The following SORL1 variants were observed in gnomAD, a reference collection of about 807,000 sequenced individuals.
SORL1 encodes the protein sortilin-related receptor.
In SORL1, 127 loss-of-function variants were observed where a neutral mutation model predicts 273.7. The observed-to-expected ratio is 0.46, with a 90% CI of 0.40 to 0.54. SORL1 has a LOEUF of 0.54. Ranked by LOEUF, SORL1 falls within the 20% of genes least tolerant of loss-of-function variation. The probability of loss-of-function intolerance (pLI) is 0.00; values close to 1 mark genes in which losing one functional copy is unlikely to be tolerated. For synonymous variants in SORL1, 1,031 were observed against 1,067.4 expected, an observed-to-expected ratio of 0.97 and a Z score of 0.66; for missense variants, 2,494 against 2,846.1, an observed-to-expected ratio of 0.88 and a Z score of 2.81.
chr11:121,454,517 G>C (rs372631961), intron 1 of SORL1, among the ~76,000 whole-genome samples: 1 of 152,130 alleles, frequency 6.6e-6, no homozygotes, highest in African/African-American at 2.4e-5. Context: ...GATTGAGTTT[G>C]GTTCAGCTGA....
chr11:121,624,294 A>G (rs1017153417), intron 45 of SORL1, among the ~76,000 whole-genome samples: 1 of 152,164 alleles, frequency 6.6e-6, no homozygotes, highest in East Asian at 1.9e-4. Context: ...GAGAAAAGTG[A>G]TGGAGTCTTT....
chr11:121,455,957 C>T (rs1366819698), intron 1 of SORL1, among the ~76,000 whole-genome samples: 2 of 150,488 alleles, frequency 1.3e-5, no homozygotes, highest in Admixed American at 1.3e-4. Context: ...CGCGCCATTG[C>T]ACTCCAGCCT....
chr11:121,570,574 A>G (rs531144016), intron 23 of SORL1, among the ~76,000 whole-genome samples: 1 of 152,186 alleles, frequency 6.6e-6, no homozygotes, highest in East Asian at 1.9e-4. Context: ...CTGGGCTCTA[A>G]TCTTGGCTGT....
At chr11:121,619,609 A>T in intron 42 of SORL1, 144 bp from the exon 43 acceptor site, 1 of 690,314 alleles carries the variant, frequency 1.4e-6, no homozygotes. Flanking sequence ...GATTTGGGGT[A>T]GGTGGGAAAT....
chr11:121,479,989 A>G (rs1186096319), intron 3 of SORL1, among the ~76,000 whole-genome samples: 2 of 152,192 alleles, frequency 1.3e-5, no homozygotes, highest in Non-Finnish European at 2.9e-5. Context: ...TGTGGTCCCC[A>G]GGACTCCCAG....
chr11:121,556,035 G>A (rs142966179), intron 18 of SORL1, among the ~76,000 whole-genome samples: 1 of 152,226 alleles, frequency 6.6e-6, no homozygotes, highest in African/African-American at 2.4e-5. Context: ...TCGAGAGATA[G>A]ACCCAGATGT....
intron 3 of SORL1, among the ~76,000 whole-genome samples, chr11:121,482,007 G>C (rs1246576496): frequency 6.6e-6 from 1 of 152,182 alleles, no homozygotes; most frequent in East Asian, 1.9e-4. Flanking sequence ...TTCTTCCCCA[G>C]CTTCTTCCAT....
At chr11:121,467,030 CTTTT>C (rs58596501) in intron 1 of SORL1, among the ~76,000 whole-genome samples, 2 of 125,300 alleles carry the variant, frequency 1.6e-5, no homozygotes, top group Admixed American at 8.8e-5. Context: ...TTCTTTTTTT[CTTTT>C]TTTTTTTTTT....
intron 11 of SORL1, among the ~76,000 whole-genome samples, chr11:121,530,966 A>G (rs1862194788): frequency 6.6e-6 from 1 of 152,184 alleles, no homozygotes; most frequent in South Asian, 2.1e-4. Flanking sequence ...TATTTCGGAC[A>G]TTATATTTTT....
intron 45 of SORL1, 108 bp from the exon 46 acceptor site, chr11:121,624,977 C>T (rs961938354): frequency 7.9e-6 from 6 of 761,496 alleles, no homozygotes; most frequent in African/African-American, 1.8e-5. Flanking sequence ...GGCGCTTTCG[C>T]GTCTGTAGCA....
chr11:121,502,539 A>G (rs1309174586), intron 6 of SORL1, among the ~76,000 whole-genome samples: 1 of 152,164 alleles, frequency 6.6e-6, no homozygotes, highest in Non-Finnish European at 1.5e-5. Context: ...TAGTTTTCCC[A>G]TATCCTTGTC....
chr11:121,554,922 T>G lies in SORL1; in HGVS notation c.2440-265T>G, dbSNP rs902063007. ...TTTATTATTGCCATACAGCATAATT[T>G]AGTAACCAGTGTTCATAATGATAAT... is the stretch of plus-strand genomic sequence containing the variant. On this transcript the variant is annotated intron_variant, in intron 17 of 47. Transcript: ENST00000260197. The surrounding 1 kb of genome is among the most constrained non-coding windows in gnomAD (Gnocchi z 4.6). The G allele has an allele frequency of 1.4e-5, 3 of 215,480 alleles. No homozygotes were observed. Among genetic ancestry groups the G allele is most frequent in the Non-Finnish European group, 1.8e-5 (2 of 108,182 alleles). 13.3% of individuals were successfully genotyped at this position (215,480 alleles called of 1,614,324 possible).
Position 121,550,669 on chromosome 11 carries a change from A to G in SORL1, c.2265A>G (p.Ala755=), listed in dbSNP as rs1245835714. 2 of 1,611,814 alleles carry G rather than the reference A, an allele frequency of 1.2e-6. No homozygotes were observed. Among genetic ancestry groups the G allele is most frequent in the Non-Finnish European group, 1.7e-6 (2 of 1,177,958 alleles). Residue 755 remains alanine, a splice_region_variant and synonymous_variant, in exon 16 of 48, where the codon GCA becomes GCG. Coordinates refer to ENST00000260197, the MANE Select transcript of SORL1 (RefSeq NM_003105.6). This position sits in a 1 kb window ranked among gnomAD's most constrained non-coding sequence, Gnocchi z 5.3. ...LEGELVPCPL[A]EENEFILYAV... ...GAGAGCTGGTCCCCTGTCCCCTGGCAGGTAAGAGAGGTGGTTTCTTCCCTT... is the reference window on the plus strand; with the variant it reads ...GAGAGCTGGTCCCCTGTCCCCTGGCGGGTAAGAGAGGTGGTTTCTTCCCTT...
At position 121,622,156 on chromosome 11, in the gene SORL1, T is replaced by C; in HGVS notation, c.6065-6T>C. 1 of 1,542,292 alleles carries C rather than the reference T, an allele frequency of 6.5e-7. No homozygotes were observed. The highest frequency in any genetic ancestry group is 2.2e-5 in the East Asian group (1 of 44,522). ...AACCGCATCCCATCTCATCTTTAAT[T>C]TTCAGTTTCATTATCAGCACCTGAT... On this transcript the variant is annotated splice_region_variant and splice_polypyrimidine_tract_variant and intron_variant, in intron 44 of 47. Transcript: ENST00000260197.
At chr11:121,579,729 A>G (rs1472054401) in intron 25 of SORL1, among the ~76,000 whole-genome samples, 1 of 152,172 alleles carries the variant, frequency 6.6e-6, no homozygotes, top group East Asian at 1.9e-4. Flanking sequence ...AAAAATCCTA[A>G]ACTTCACTGT....
chr11:121,627,596 G>A lies in SORL1; in HGVS notation c.6406G>A (p.Val2136Ile), dbSNP rs1863815515. ...AACGCAGGCTGCCAGATCTACGGAT[G>A]TTGCTGCTGTGGTGGTGCCCATCTT... ...SATQAARSTD[V>I]AAVVVPILFL... The change falls in exon 47 of 48, where the codon GTT becomes ATT. Residue 2136 changes from valine to isoleucine, a missense_variant. By Grantham distance (29) the Val-to-Ile change is conservative. This residue lies in a region of SORL1 where 1,609 missense variants were observed against 1,816.4 expected (regional missense o/e 0.89). Transcript: ENST00000260197. The surrounding 1 kb of genome is among the most constrained non-coding windows in gnomAD (Gnocchi z 4.9). The A allele has an allele frequency of 1.9e-6, 3 of 1,614,090 alleles. No individual in the cohort carries two copies. Among genetic ancestry groups the A allele is most frequent in the Admixed American group, 3.3e-5 (2 of 60,018 alleles).
chr11:121,494,702 G>A (rs1312558874), intron 5 of SORL1, among the ~76,000 whole-genome samples: 2 of 152,154 alleles, frequency 1.3e-5, no homozygotes, highest in African/African-American at 2.4e-5. Context: ...TATGGATTAC[G>A]GAAGAAAATT....
chr11:121,551,856 A>G (rs1176563742), intron 16 of SORL1, among the ~76,000 whole-genome samples: 1 of 152,226 alleles, frequency 6.6e-6, no homozygotes, highest in Non-Finnish European at 1.5e-5. Context: ...CACTTCAGCA[A>G]ATTCCAACAA....
chr11:121,587,809 A>T (rs924056805), intron 27 of SORL1, among the ~76,000 whole-genome samples: 3 of 152,142 alleles, frequency 2.0e-5, no homozygotes, highest in Non-Finnish European at 4.4e-5. Flanking sequence ...CGACAATAAA[A>T]TCTCTCCTAA....
Sources: gnomAD v4.1 joint callset for allele counts (sites outside exome capture counted in the v4.1 genomes callset) on GRCh38, gnomAD v4.1.1 for gene constraint, gnomAD v4.1.1 regional missense constraint, Gnocchi (gnomAD v3.1) non-coding constraint, MANE v1.5 for transcripts, NCBI Gene and HGNC (gene_info 2026-07-23, HGNC 2026-07-21) for gene names.